PGM2: variants seen among roughly 807,000 people sequenced by gnomAD.
PGM2 encodes the protein phosphoglucomutase 2, also known as phosphopentomutase.
PGM2 carries 57 observed loss-of-function variants against 74.6 expected under a neutral mutation model. That is an observed-to-expected ratio of 0.76 (90% CI 0.62 to 0.95). The LOEUF (loss-of-function observed/expected upper bound fraction) is 0.95. Ranked by LOEUF, PGM2 falls within the 40% of genes least tolerant of loss-of-function variation. The pLI is 0.00. For synonymous variants in PGM2, 273 were observed against 260.7 expected, an observed-to-expected ratio of 1.05 and a Z score of -0.46; for missense variants, 706 against 741.9, an observed-to-expected ratio of 0.95 and a Z score of 0.56.
At chr4:37,860,660 T>G (rs1446586373) in intron 13 of PGM2, among the ~76,000 whole-genome samples, 1 of 152,238 alleles carries the variant, frequency 6.6e-6, no homozygotes, top group East Asian at 1.9e-4. Context: ...AAAGATGGTA[T>G]GAAGAGTATG....
chr4:37,837,733 G>T, intron 4 of PGM2, 120 bp downstream of exon 4: 1 of 727,124 alleles, frequency 1.4e-6, no homozygotes, highest in South Asian at 1.5e-5. Context: ...GAGTTCCTTG[G>T]CATGTATGAG....
chr4:37,859,895 G>C (rs1375215483), intron 13 of PGM2, among the ~76,000 whole-genome samples: 1 of 152,128 alleles, frequency 6.6e-6, no homozygotes, highest in Non-Finnish European at 1.5e-5. Flanking sequence ...ATGATTATAG[G>C]ATGTGTCCTG....
Position 37,839,667 on chromosome 4 carries a change from GCC to G in PGM2, c.442-180_442-179del, listed in dbSNP as rs1302148336. 7.2e-6 allele frequency: 5 copies of G among 693,056 alleles called. No individual in the cohort carries two copies. The Admixed American group carries it at 1.0e-4, about 14-fold the overall frequency. 42.9% of individuals were successfully genotyped at this position (693,056 alleles called of 1,614,324 possible). On this transcript the variant is annotated intron_variant, in intron 4 of 13. Transcript: ENST00000381967. ...GAAATACATCCTGGAATTATGAGCA[GCC>G]AGTTAATTCTAAGGGTAATTGCATA...
intron 12 of PGM2, among the ~76,000 whole-genome samples, chr4:37,851,339 T>C (rs1455040213): frequency 6.6e-6 from 1 of 152,258 alleles, no homozygotes; most frequent in Admixed American, 6.5e-5. Flanking sequence ...TGAGAACCAC[T>C]GTTTGTTTTC....
chr4:37,855,259 A>G (rs1216535724), intron 12 of PGM2, among the ~76,000 whole-genome samples: 3 of 151,970 alleles, frequency 2.0e-5, no homozygotes, highest in East Asian at 3.9e-4. Flanking sequence ...TGTGAGTTCA[A>G]CCTTTTCGGA....
rs747420050 is a variant in PGM2, at chr4:37,848,507, C to T, written c.1283-15C>T. 14 of 1,607,620 alleles carry T rather than the reference C, an allele frequency of 8.7e-6. No individual in the cohort carries two copies. In the East Asian group the frequency reaches 2.7e-4, roughly 31 times the overall value. On this transcript the variant is annotated splice_polypyrimidine_tract_variant and intron_variant, in intron 10 of 13. Coordinates refer to ENST00000381967, the MANE Select transcript of PGM2 (RefSeq NM_018290.4). ...CAGTATTGTATAGATGTATGTATGA[C>T]GTGTGTTTCTGCAGGATACATGTGC...
chr4:37,832,828 A>G (rs895665914), intron 2 of PGM2, among the ~76,000 whole-genome samples: 7 of 152,192 alleles, frequency 4.6e-5, no homozygotes, highest in African/African-American at 1.7e-4. Context: ...GGTCATACAC[A>G]TAAACTTGCT....
rs1711803392 is a variant in PGM2 at position 37,862,251 on chromosome 4, C to T, written c.*639C>T. 6.6e-6 allele frequency: 1 copy of T among 152,076 alleles called. No individual in the cohort carries two copies. Among genetic ancestry groups the T allele is most frequent in the African/African-American group, 2.4e-5 (1 of 41,368 alleles). 9.4% of individuals were successfully genotyped at this position (152,076 alleles called of 1,614,324 possible). A position where few individuals can be genotyped will look rare whatever the true frequency, so the allele number is the denominator to read the frequency against. On this transcript the variant is annotated 3_prime_UTR_variant, in exon 14 of 14. Transcript: ENST00000381967. ...TACACGTGCTAGGAAAAAACAGCTT[C>T]AGTGTCTTTGTTTAATGTGTTGAAA...
At position 37,846,923 on chromosome 4, in the gene PGM2, TC is replaced by T. The variant is rs768850346; in HGVS notation, c.1008-7del. The stretch of plus-strand genomic sequence containing the variant: ...TGAATGGTGGTTGTTGTTTTTTTTT[TC>T]TTTCAGTGGTGAATGGAGGGTGTTT... On this transcript the variant is annotated splice_polypyrimidine_tract_variant and splice_region_variant and intron_variant, in intron 8 of 13. Coordinates refer to ENST00000381967, the MANE Select transcript of PGM2 (RefSeq NM_018290.4). The T allele has an allele frequency of 6.3e-7, 1 of 1,578,728 alleles. No homozygotes were observed. The highest frequency in any genetic ancestry group is 1.2e-5 in the South Asian group (1 of 84,880).
chr4:37,845,532 G>A, intron 7 of PGM2, 101 bp from the exon 8 acceptor site: 1 of 779,600 alleles, frequency 1.3e-6, no homozygotes, highest in Non-Finnish European at 2.2e-6. Flanking sequence ...TTTCTAAGAG[G>A]GGAAAGACCT....
chr4:37,849,175 A>G (rs1376343053), intron 11 of PGM2, among the ~76,000 whole-genome samples: 1 of 152,182 alleles, frequency 6.6e-6, no homozygotes, highest in Non-Finnish European at 1.5e-5. Flanking sequence ...TTCTTAACAA[A>G]TGACAACATG....
Position 37,830,066 on chromosome 4 carries a change from C to G in PGM2, c.184C>G (p.Leu62Val). ...GARMEFGTAG[L>V]RAAMGPGISR... ...CCGAATGGAGTTTGGGACAGCTGGC[C>G]TCCGAGCTGCTATGGGACCTGGAAT... The change falls in exon 2 of 14, where the codon CTC becomes GTC. Residue 62 changes from leucine to valine, a missense_variant. By Grantham distance (32) the Leu-to-Val change is conservative (BLOSUM62 1). Coordinates refer to ENST00000381967, the MANE Select transcript of PGM2 (RefSeq NM_018290.4). The G allele has an allele frequency of 1.2e-6, 2 of 1,607,482 alleles. No individual in the cohort carries two copies. Among genetic ancestry groups the G allele is most frequent in the Non-Finnish European group, 1.7e-6 (2 of 1,176,832 alleles).
chr4:37,851,547 A>G (rs967071873), intron 12 of PGM2, among the ~76,000 whole-genome samples: 28 of 152,126 alleles, frequency 1.8e-4, no homozygotes, highest in Non-Finnish European at 2.8e-4. Flanking sequence ...GTTCTTTGAT[A>G]TTTTCTTTGT....
At chr4:37,843,939 T>C (rs1349030799) in intron 6 of PGM2, among the ~76,000 whole-genome samples, 1 of 152,244 alleles carries the variant, frequency 6.6e-6, no homozygotes, top group East Asian at 1.9e-4. Flanking sequence ...AAAGGACATT[T>C]TGAAAATCAT....
In PGM2 at chr4:37,834,662, G is replaced by T; in HGVS notation, c.294G>T (p.Gln98His). The change falls in exon 3 of 14, where the codon CAG becomes CAT. Residue 98 changes from glutamine to histidine, a missense_variant. By Grantham distance (24) the Gln-to-His change is conservative (BLOSUM62 0). Transcript: ENST00000381967. ...YLEKQFSDLK[Q>H]KGIVISFDAR... ...AAAAACAATTCAGTGACTTAAAGCA[G>T]AAAGGCATCGTGATCAGTTTTGACG... 6.2e-7 allele frequency: 1 copy of T among 1,602,868 alleles called. No homozygotes were observed. The highest frequency in any genetic ancestry group is 8.5e-7 in the Non-Finnish European group (1 of 1,171,424).
intron 3 of PGM2, among the ~76,000 whole-genome samples, chr4:37,835,063 G>A (rs961470780): frequency 2.4e-4 from 36 of 151,966 alleles, no homozygotes; most frequent in African/African-American, 7.0e-4. Flanking sequence ...GAACGCCCAC[G>A]TCAAGCTGCA....
At chr4:37,830,247 G>T (rs1178544351) in intron 2 of PGM2, 116 bp downstream of exon 2, 3 of 684,016 alleles carry the variant, frequency 4.4e-6, no homozygotes, top group Non-Finnish European at 6.8e-6. Flanking sequence ...CTAGACACAG[G>T]AAGTCACCAC....
At chr4:37,830,663 C>T (rs986458889) in intron 2 of PGM2, among the ~76,000 whole-genome samples, 2 of 152,148 alleles carry the variant, frequency 1.3e-5, no homozygotes, top group Admixed American at 6.5e-5. Flanking sequence ...AGTGCTTCTA[C>T]TGGGTATTGG....
chr4:37,849,154 G>A (rs114264894), intron 11 of PGM2, among the ~76,000 whole-genome samples: 3,069 of 151,480 alleles, frequency 0.02, 123 homozygotes, highest in African/African-American at 0.069. Context: ...TACTATTCCC[G>A]ATCGCATTAA....
Sources: allele counts gnomAD v4.1 joint callset (sites outside exome capture counted in the v4.1 genomes callset), GRCh38; gene constraint gnomAD v4.1.1; transcripts MANE v1.5; gene names NCBI Gene and HGNC (gene_info 2026-07-23, HGNC 2026-07-21).